The following TTC19 variants were observed in gnomAD, a reference collection of about 807,000 sequenced individuals.
TTC19 encodes tetratricopeptide repeat domain 19, also known as tetratricopeptide repeat protein 19, mitochondrial.
TTC19 carries 38 observed loss-of-function variants against 49.5 expected under a neutral mutation model. The ratio of observed to expected loss-of-function variants is 0.77; its 90% CI spans 0.59 to 1.01. The LOEUF (loss-of-function observed/expected upper bound fraction) is 1.01, where lower values mean the gene tolerates loss of function less well. TTC19 is among the 50% of genes least tolerant of loss of function. TTC19 has a pLI of 0.00. For missense variants in TTC19, 475 were observed against 477.7 expected (o/e 0.99, Z 0.05); for synonymous variants, 204 against 185.2 (o/e 1.10, Z -0.83).
intron 2 of TTC19, 52 bp from the exon 3 acceptor site, chr17:16,001,863 A>G (rs1970746788): frequency 2.5e-6 from 3 of 1,220,486 alleles, no homozygotes; most frequent in East Asian, 4.7e-5. Context: ...GTCTCTTAGC[A>G]TATGCATCTA....
chr17:16,038,031 A>G (rs2151942156), intron 2 of TTC19, among the ~76,000 whole-genome samples: 1 of 152,338 alleles, frequency 6.6e-6, no homozygotes, highest in African/African-American at 2.4e-5. Flanking sequence ...ATTGGAAGGT[A>G]AGAACAGAAA....
intron 2 of TTC19, chr17:16,000,574 C>A: frequency 2.3e-6 from 1 of 428,456 alleles, no homozygotes; most frequent in Non-Finnish European, 3.6e-6. Flanking sequence ...CATAATTTCG[C>A]ACGTATATAG....
intron 7 of TTC19, among the ~76,000 whole-genome samples, chr17:16,010,167 ATT>A (rs1201745186): frequency 5.5e-5 from 6 of 108,210 alleles, no homozygotes; most frequent in African/African-American, 1.2e-4. Context: ...TTAATTTTTA[ATT>A]TTTTTTTTTT....
At position 16,009,844 on chromosome 17, in the gene TTC19, A is replaced by C. The variant is rs555643113; in HGVS notation, c.676+3276A>C. 3.9e-5 allele frequency among the ~76,000 whole-genome samples: 6 copies of C among 152,324 alleles called. No homozygotes were observed. The East Asian group carries it at 1.2e-3, about 29-fold the overall frequency. Reference sequence around the variant, plus strand: ...TACTTACTGAGGAAATGCCCATAAAAAATTAAGTGAAAACTTTGGTTACAA... The same window carrying C: ...TACTTACTGAGGAAATGCCCATAAACAATTAAGTGAAAACTTTGGTTACAA... On this transcript the variant is annotated intron_variant, in intron 7 of 9. Coordinates refer to ENST00000261647, the MANE Select transcript of TTC19 (RefSeq NM_017775.4).
chr17:16,028,172 TGGG>T lies in TTC19; in HGVS notation c.*653_*655del, dbSNP rs1971644981. 1 of 453,992 alleles carries T rather than the reference TGGG, an allele frequency of 2.2e-6. No homozygotes were observed. The highest frequency in any genetic ancestry group is 1.6e-5 in the South Asian group (1 of 64,472). 28.1% of individuals were successfully genotyped at this position (453,992 alleles called of 1,614,324 possible). A position where few individuals can be genotyped will look rare whatever the true frequency, so the allele number is the denominator to read the frequency against. On this transcript the variant is annotated 3_prime_UTR_variant, in exon 10 of 10. Transcript: ENST00000261647. ...TTATCTGGTTATATAAAACTAAAAATGGGGGTGTTTATATAAAACTAAAAACTA... is the reference window on the plus strand; with the variant it reads ...TTATCTGGTTATATAAAACTAAAAATGGTGTTTATATAAAACTAAAAACTA...
Position 16,044,950 on chromosome 17 carries a change from T to G in TTC19, c.*395T>G, listed in dbSNP as rs573024862. 17 of 606,684 alleles carry G rather than the reference T, an allele frequency of 2.8e-5. No individual in the cohort carries two copies. The African/African-American group carries it at 2.8e-4, about 10-fold the overall frequency. The allele number at this position is 606,684 out of a possible 1,614,324, so 37.6% of individuals were successfully genotyped here. A position where few individuals can be genotyped will look rare whatever the true frequency, so the allele number is the denominator to read the frequency against. On this transcript the variant is annotated 3_prime_UTR_variant, in exon 3 of 3. Transcript: ENST00000470649. ...TCTGATGATGACATGGGCTTTTGGT[T>G]GTTTTGACTAAATTTCTTATAACGT...
chr17:16,026,341 G>A (rs1971558757), intron 8 of TTC19, among the ~76,000 whole-genome samples, 199 bp from the exon 9 acceptor site: 1 of 152,104 alleles, frequency 6.6e-6, no homozygotes, highest in South Asian at 2.1e-4. Flanking sequence ...TTCCCAAAAG[G>A]TCGAACTAAC....
At chr17:16,039,288 C>G (rs757220323) in intron 2 of TTC19, 14 of 789,174 alleles carry the variant, frequency 1.8e-5, no homozygotes, top group Non-Finnish European at 2.7e-5. Flanking sequence ...TTTCAAAAAC[C>G]TTTTTTAAGT....
intron 2 of TTC19, chr17:16,039,354 A>G (rs762872842): frequency 4.6e-6 from 6 of 1,291,826 alleles, no homozygotes; most frequent in East Asian, 2.4e-5. Flanking sequence ...GAAATGTCTT[A>G]GTGATGCATC....
rs533675841 is a variant in TTC19, at chr17:16,018,975, C to T, written c.677-6042C>T. Among the ~76,000 whole-genome samples the T allele has an allele frequency of 2.3e-4, 35 of 152,274 alleles. No individual in the cohort carries two copies. In the South Asian group the frequency reaches 6.4e-3, roughly 28 times the overall value. ...TCCCTGTATACCCTTCCCTCCCTGC[C>T]TAGGGGTAGCTACTATCCTGAGTTT... On this transcript the variant is annotated intron_variant, in intron 7 of 9. Transcript: ENST00000261647.
At chr17:16,016,280 A>C (rs1245113723) in intron 7 of TTC19, among the ~76,000 whole-genome samples, 1 of 152,116 alleles carries the variant, frequency 6.6e-6, no homozygotes, top group Non-Finnish European at 1.5e-5. Flanking sequence ...GAGTATATTG[A>C]TTAATTTCCA....
At chr17:16,032,280 C>T (rs1277624832), downstream of TTC19, 2 of 1,593,548 alleles carry the variant, frequency 1.3e-6, no homozygotes, top group African/African-American at 1.4e-5. Context: ...ACCCTGTTCC[C>T]CTCACTTTGT....
intron 9 of TTC19, 69 bp from the exon 10 acceptor site, chr17:16,027,305 T>C (rs1232580952): frequency 6.3e-7 from 1 of 1,580,384 alleles, no homozygotes; most frequent in African/African-American, 1.3e-5. Flanking sequence ...GCATTCATGC[T>C]CTCTCTTCAG....
At position 16,027,913 on chromosome 17, in the gene TTC19, A is replaced by G. The variant is rs1183763628; in HGVS notation, c.*391A>G. 2.2e-6 allele frequency: 1 copy of G among 457,568 alleles called. No individual in the cohort carries two copies. The highest frequency in any genetic ancestry group is 4.4e-6 in the Non-Finnish European group (1 of 229,102). The allele number at this position is 457,568 out of a possible 1,614,324, so 28.3% of individuals were successfully genotyped here. A position where few individuals can be genotyped will look rare whatever the true frequency, so the allele number is the denominator to read the frequency against. ...CTGATTTGCTGCCCTGTCTTCTCTT[A>G]CTTTACTTTATCAATACCTGGCAAA... On this transcript the variant is annotated 3_prime_UTR_variant, in exon 10 of 10. Transcript: ENST00000261647.
intron 7 of TTC19, chr17:16,023,369 A>G (rs920601730): frequency 6.6e-6 from 1 of 152,220 alleles, no homozygotes; most frequent in African/African-American, 2.4e-5. Context: ...TTACTACTGA[A>G]CATCTTTTTA....
At chr17:16,004,853 T>A (rs1232757972) in intron 6 of TTC19, among the ~76,000 whole-genome samples, 1 of 152,226 alleles carries the variant, frequency 6.6e-6, no homozygotes, top group Admixed American at 6.5e-5. Flanking sequence ...CCTACTGTCC[T>A]ACTCACCAGC....
At chr17:16,033,336 CAAAAAAAAA>C (rs59285422), downstream of TTC19, among the ~76,000 whole-genome samples, 11 of 57,458 alleles carry the variant, frequency 1.9e-4, no homozygotes, top group African/African-American at 6.4e-4. Context: ...ACTCCGTCTC[CAAAAAAAAA>C]AAAAAAAAAA....
chr17:16,035,920 T>C (rs1378271960), intron 2 of TTC19, among the ~76,000 whole-genome samples: 1 of 152,136 alleles, frequency 6.6e-6, no homozygotes, highest in Non-Finnish European at 1.5e-5. Context: ...CCATGGGAGC[T>C]GGAATCATCT....
downstream of TTC19, chr17:16,030,213 GA>G: frequency 4.4e-6 from 1 of 228,124 alleles, no homozygotes; most frequent in Non-Finnish European, 8.6e-6. Flanking sequence ...TCATTAAGTG[GA>G]AGTGGATCAT....
Sources: gnomAD v4.1 joint callset for allele counts (sites outside exome capture counted in the v4.1 genomes callset) on GRCh38, gnomAD v4.1.1 for gene constraint, MANE v1.5 for transcripts, NCBI Gene and HGNC (gene_info 2026-07-23, HGNC 2026-07-21) for gene names.